Variants in PSG7 observed in about 807,000 individuals in gnomAD.
The protein encoded by PSG7 is pregnancy-specific beta-1-glycoprotein 7.
PSG7 carries 57 observed loss-of-function variants against 45.6 expected under a neutral mutation model. The observed-to-expected ratio is 1.25, with a 90% confidence interval of 1.01 to 1.56. The LOEUF is 1.56. Ranked by LOEUF, PSG7 falls within the 40% of genes most tolerant of loss-of-function variation. PSG7 has a pLI of 0.00. For synonymous variants in PSG7, 298 were observed against 194.4 expected (o/e 1.53, Z -4.43); for missense variants, 796 against 508.4 (o/e 1.57, Z -5.44).
Position 42,937,142 on chromosome 19 carries a change from C to A in PSG7, c.-66G>T, listed in dbSNP as rs374924950. 6.3e-7 allele frequency: 1 copy of A among 1,575,238 alleles called. No homozygotes were observed. Among genetic ancestry groups the A allele is most frequent in the Non-Finnish European group, 8.7e-7 (1 of 1,151,830 alleles). The stretch of plus-strand genomic sequence containing the variant: ...CTAGGATCCAGAATCTTCCTGAGCA[C>A]GGCTGTCAGCTGTGCTGTCCTTCCT... On this transcript the variant is annotated 5_prime_UTR_variant, in exon 1 of 6. Transcript: ENST00000406070.
intron 5 of PSG7, 21 bp from the exon 6 acceptor site, chr19:42,924,845 A>C (rs571993669): frequency 2.6e-6 from 2 of 762,742 alleles, no homozygotes; most frequent in Non-Finnish European, 4.8e-6. Context: ...TAATAAAAAC[A>C]CAGAAACAAT....
At chr19:42,934,965 C>A (rs1450756376) in intron 2 of PSG7, among the ~76,000 whole-genome samples, 3 of 151,604 alleles carry the variant, frequency 2.0e-5, no homozygotes, top group Admixed American at 6.6e-5. Context: ...CCAGTCCTGG[C>A]ACAGGCTCCT....
chr19:42,925,801 G>T lies in PSG7; in HGVS notation c.1215C>A (p.Ser405Arg), dbSNP rs367788662. ...AGACTCTGACTGTCACGGATTTGGA[G>T]CTTTCCTTGCCAGTGGCTGAGTTAC... The part of the protein sequence containing the change: ...SVRNSATGKE[S>R]SKSVTVRVSD... The change falls in exon 5 of 6, where the codon AGC becomes AGA. Residue 405 changes from serine (S) to arginine (R), a missense_variant. Physicochemically the swap from Ser to Arg is moderately radical, Grantham distance 110 (BLOSUM62 -1). Transcript: ENST00000406070. 2.5e-6 allele frequency: 4 copies of T among 1,611,988 alleles called. No individual in the cohort carries two copies. In the South Asian group the frequency reaches 4.4e-5, roughly 18 times the overall value.
chr19:42,934,594 G>A (rs1422613671), intron 2 of PSG7, among the ~76,000 whole-genome samples: 1 of 151,696 alleles, frequency 6.6e-6, no homozygotes, highest in East Asian at 1.9e-4. Context: ...CTAATGCGTA[G>A]CACTGTGGAA....
chr19:42,925,535 C>T (rs1440090727), intron 5 of PSG7: 1 of 1,070,992 alleles, frequency 9.3e-7, no homozygotes, highest in Admixed American at 3.0e-5. Flanking sequence ...TCAATTATTT[C>T]AATGAAATCA....
In PSG7 at chr19:42,929,721, C is replaced by A. The variant is rs1972978060; in HGVS notation, c.431-1G>T. On this transcript the variant is annotated splice_acceptor_variant, in intron 2 of 5. Transcript: ENST00000406070. LOFTEE classifies it high-confidence loss of function. ...GAGATGGAGGGTTTGGGAGTCTCCA[C>A]TGTGCGGAAAACAGAGAGAAGATTG... 1 of 1,611,156 alleles carries A rather than the reference C, an allele frequency of 6.2e-7. No individual in the cohort carries two copies. The highest frequency in any genetic ancestry group is 1.3e-5 in the African/African-American group (1 of 74,556).
chr19:42,924,243 G>A lies in PSG7; in HGVS notation c.*565C>T, dbSNP rs1192137389. 1.7e-5 allele frequency: 4 copies of A among 237,134 alleles called. No homozygotes were observed. The highest frequency in any genetic ancestry group is 2.4e-5 in the Non-Finnish European group (3 of 124,154). The allele number at this position is 237,134 out of a possible 1,614,324, so 14.7% of individuals were successfully genotyped here. On this transcript the variant is annotated 3_prime_UTR_variant, in exon 6 of 6. Transcript: ENST00000406070. ...CATCCACACAATGTGCATTTAAAGG[G>A]GAGTCTACTATAATTTCAGCTTTCC...
chr19:42,936,659 T>C (rs1241844235), intron 1 of PSG7, among the ~76,000 whole-genome samples: 2 of 151,326 alleles, frequency 1.3e-5, no homozygotes, highest in Admixed American at 6.6e-5. Flanking sequence ...TTTCCTTTTT[T>C]TCTTTTGGGA....
intron 3 of PSG7, among the ~76,000 whole-genome samples, chr19:42,928,574 T>C (rs1279614581): frequency 3.3e-5 from 5 of 151,688 alleles, no homozygotes; most frequent in African/African-American, 4.8e-5. Context: ...TCTTAATTTC[T>C]TTTCAGATTG....
At position 42,925,808 on chromosome 19, in the gene PSG7, T is replaced by A. The variant is rs1335251274; in HGVS notation, c.1208A>T (p.Lys403Met). ...GACTGTCACGGATTTGGAGCTTTCC[T>A]TGCCAGTGGCTGAGTTACGAACAGA... ...ACSVRNSATGKESSKSVTVRV... is the reference protein window; with the variant it reads ...ACSVRNSATGMESSKSVTVRV... The change falls in exon 5 of 6, where the codon AAG (lysine) becomes ATG (methionine). Residue 403 changes from lysine (K) to methionine (M), a missense_variant. Coordinates refer to ENST00000406070, the MANE Select transcript of PSG7 (RefSeq NM_002783.3). The A allele has an allele frequency of 1.9e-6, 3 of 1,612,118 alleles. No individual in the cohort carries two copies. Among genetic ancestry groups the A allele is most frequent in the Non-Finnish European group, 2.5e-6 (3 of 1,179,022 alleles).
At position 42,937,012 on chromosome 19, in the gene PSG7, C is replaced by T. The variant is rs775656173; in HGVS notation, c.64+1G>A. On this transcript the variant is annotated splice_donor_variant, in intron 1 of 5. Transcript: ENST00000406070. LOFTEE classifies it high-confidence loss of function. ...CCTCTCCCAGGAAGTTCTCTCCTCA[C>T]CTGTGAGCAGGAGCCCTTTCCAGGT... 15 of 1,611,162 alleles carry T rather than the reference C, an allele frequency of 9.3e-6. 1 individual carries two copies. In the African/African-American group the frequency reaches 1.7e-4, roughly 19 times the overall value.
chr19:42,929,707 T>G lies in PSG7; in HGVS notation c.444A>C (p.Lys148Asn), dbSNP rs755154025. ...FTFTLYLETP[K>N]PSISSSNFNP... ...TGAAATTGCTGCTGGAGATGGAGGG[T>G]TTGGGAGTCTCCACTGTGCGGAAAA... is the stretch of plus-strand genomic sequence containing the variant. The change falls in exon 3 of 6, where the codon AAA becomes AAC. Residue 148 changes from lysine to asparagine, a missense_variant. Physicochemically the swap from Lys to Asn is moderately conservative, Grantham distance 94. Coordinates refer to ENST00000406070, the MANE Select transcript of PSG7 (RefSeq NM_002783.3). The G allele has an allele frequency of 6.2e-7, 1 of 1,611,566 alleles. No homozygotes were observed. Among genetic ancestry groups the G allele is most frequent in the Non-Finnish European group, 8.5e-7 (1 of 1,178,914 alleles).
Position 42,924,398 on chromosome 19 carries a change from G to A in PSG7, c.*410C>T, listed in dbSNP as rs1600559388. The A allele has an allele frequency of 2.2e-6, 1 of 449,708 alleles. No homozygotes were observed. Among genetic ancestry groups the A allele is most frequent in the East Asian group, 3.2e-5 (1 of 31,272 alleles). The allele number at this position is 449,708 out of a possible 1,614,324, so 27.9% of individuals were successfully genotyped here. On this transcript the variant is annotated 3_prime_UTR_variant, in exon 6 of 6. Coordinates refer to ENST00000406070, the MANE Select transcript of PSG7 (RefSeq NM_002783.3). ...CTGAGATGTTATGTAAAAGTCTGAG[G>A]TTGAGATGACATATCTGACACTCTG...
intron 3 of PSG7, among the ~76,000 whole-genome samples, chr19:42,928,711 G>A (rs1223163591): frequency 6.6e-6 from 1 of 151,292 alleles, no homozygotes; most frequent in African/African-American, 2.4e-5. Flanking sequence ...CCTCTGCAGA[G>A]GGCAGGTGGC....
intron 2 of PSG7, among the ~76,000 whole-genome samples, chr19:42,933,672 G>A (rs186473393): frequency 1.4e-4 from 21 of 150,944 alleles, no homozygotes; most frequent in African/African-American, 5.1e-4. Context: ...GCAGGACAGG[G>A]CTTGCCAGTC....
chr19:42,926,976 A>T (rs2122675474), intron 3 of PSG7: 1 of 659,278 alleles, frequency 1.5e-6, no homozygotes, highest in South Asian at 2.6e-5. Flanking sequence ...CAGACATGTC[A>T]GTGGGAGTCA....
At chr19:42,927,618 G>C (rs1204389183) in intron 3 of PSG7, 1 of 151,612 alleles carries the variant, frequency 6.6e-6, no homozygotes, top group Non-Finnish European at 1.5e-5. Flanking sequence ...ATGGATATAA[G>C]ACAAATTTGG....
In PSG7 at chr19:42,930,290, G is replaced by A. The variant is rs1015313783; in HGVS notation, c.431-570C>T. On this transcript the variant is annotated intron_variant, in intron 2 of 5. Transcript: ENST00000406070. ...TGGAGGTCAGTTCAGTCATCAGGCAGTGCAGCCACAAGGTGGCGCAGTTTT... is the reference window on the plus strand; with the variant it reads ...TGGAGGTCAGTTCAGTCATCAGGCAATGCAGCCACAAGGTGGCGCAGTTTT... Among the ~76,000 whole-genome samples, 4 of 151,606 alleles carry A rather than the reference G, an allele frequency of 2.6e-5. 1 individual carries two copies. The highest frequency in any genetic ancestry group is 5.9e-5 in the Non-Finnish European group (4 of 67,874).
intron 2 of PSG7, among the ~76,000 whole-genome samples, chr19:42,933,280 TA>T (rs1973062800): frequency 8.7e-4 from 6 of 6,900 alleles, no homozygotes; most frequent in East Asian, 5.2e-3. Context: ...TATATATATA[TA>T]TATATATATA....
Sources: gnomAD v4.1 joint callset for allele counts (sites outside exome capture counted in the v4.1 genomes callset) on GRCh38, gnomAD v4.1.1 for gene constraint, MANE v1.5 for transcripts, NCBI Gene and HGNC (gene_info 2026-07-23, HGNC 2026-07-21) for gene names.